KLF5: variants seen among roughly 807,000 people sequenced by gnomAD.
The protein encoded by KLF5 is Krueppel-like factor 5.
Under a neutral mutation model 36.9 loss-of-function variants are expected in KLF5, and 9 were observed. The ratio of observed to expected loss-of-function variants is 0.24; its 90% CI spans 0.15 to 0.43. KLF5 has a LOEUF of 0.43. Among genes scored for constraint, KLF5 ranks in the 20% least tolerant of loss-of-function variants. The pLI is 1.00. For synonymous variants in KLF5, 246 were observed against 241.7 expected (o/e 1.02, Z -0.17); for missense variants, 524 against 599.5 (o/e 0.87, Z 1.31).
At chr13:73,068,299 C>G (rs888686168) in intron 3 of KLF5, among the ~76,000 whole-genome samples, 24 of 152,298 alleles carry the variant, frequency 1.6e-4, no homozygotes, top group African/African-American at 5.3e-4. Context: ...TTATTGCCTA[C>G]TGACATGTGT....
intron 3 of KLF5, among the ~76,000 whole-genome samples, chr13:73,073,222 T>C (rs9573095): frequency 0.81 from 123,323 of 152,176 alleles, 52,841 homozygotes; most frequent in East Asian, 0.96. Context: ...TGGGTACCAG[T>C]TTCCTCTACG....
Position 73,062,455 on chromosome 13 carries a change from T to C in KLF5, c.856T>C (p.Tyr286His). The C allele has an allele frequency of 6.2e-7, 1 of 1,614,150 alleles. No homozygotes were observed. The highest frequency in any genetic ancestry group is 8.5e-7 in the Non-Finnish European group (1 of 1,180,022). The stretch of plus-strand genomic sequence containing the variant: ...ATTCCAGGGCATGCCCCCTTGCACA[T>C]ACACAATGCCAAGTCAGTTTCTTCC... ...KQFQGMPPCT[Y>H]TMPSQFLPQQ... The change falls in exon 2 of 4, where the codon TAC (tyrosine) becomes CAC (histidine). Residue 286 changes from tyrosine to histidine, a missense_variant. Physicochemically the swap from Tyr to His is moderately conservative, Grantham distance 83 (BLOSUM62 2). Coordinates refer to ENST00000377687, the MANE Select transcript of KLF5 (RefSeq NM_001730.5).
intron 2 of KLF5, 147 bp from the exon 3 acceptor site, chr13:73,063,677 C>T (rs1341748280): frequency 1.6e-6 from 1 of 612,920 alleles, no homozygotes; most frequent in African/African-American, 1.8e-5. Context: ...GGGGAGGGCT[C>T]TTTAAAACTT....
At chr13:73,064,473 C>T (rs1434713449) in intron 3 of KLF5, among the ~76,000 whole-genome samples, 1 of 151,674 alleles carries the variant, frequency 6.6e-6, no homozygotes, top group African/African-American at 2.4e-5. Flanking sequence ...TTTATTCTAG[C>T]TTACATTCAT....
At chr13:73,060,438 C>G (rs2044626039) in intron 1 of KLF5, 2 of 152,176 alleles carry the variant, frequency 1.3e-5, no homozygotes, top group Non-Finnish European at 2.9e-5. Context: ...GCCGCGGGAG[C>G]GCAGTGCACG....
intron 1 of KLF5, 180 bp downstream of exon 1, chr13:73,059,768 A>C: frequency 4.6e-6 from 2 of 430,622 alleles, no homozygotes; most frequent in Non-Finnish European, 5.5e-6. Context: ...TTTCGCTGAG[A>C]GTAAATGGGG....
intron 1 of KLF5, 129 bp from the exon 2 acceptor site, chr13:73,061,732 G>A: frequency 1.3e-6 from 1 of 763,594 alleles, no homozygotes; most frequent in Admixed American, 2.3e-5. Flanking sequence ...ATGTTTATAA[G>A]CAACACTGAG....
Position 73,076,939 on chromosome 13 carries a change from G to A in KLF5, c.*1053G>A, listed in dbSNP as rs1955539929. 1 of 152,032 alleles carries A rather than the reference G, an allele frequency of 6.6e-6. No individual in the cohort carries two copies. Among genetic ancestry groups the A allele is most frequent in the African/African-American group, 2.4e-5 (1 of 41,148 alleles). The allele number at this position is 152,032 out of a possible 1,614,324, so 9.4% of individuals were successfully genotyped here. ...ATGTGGATTTTGCATGTAATACACA[G>A]TGAGACACAGTAATTTTATCTAAAT... On this transcript the variant is annotated 3_prime_UTR_variant, in exon 4 of 4. Transcript: ENST00000377687.
In KLF5 at chr13:73,076,690, T is replaced by C. The variant is rs905221589; in HGVS notation, c.*804T>C. On this transcript the variant is annotated 3_prime_UTR_variant, in exon 4 of 4. Coordinates refer to ENST00000377687, the MANE Select transcript of KLF5 (RefSeq NM_001730.5). ...TACAAAAGGCATTTTATATGAATTA[T>C]AAACTGAAGAGCTTAAAGATAGTTA... 1 of 152,208 alleles carries C rather than the reference T, an allele frequency of 6.6e-6. No individual in the cohort carries two copies. The highest frequency in any genetic ancestry group is 2.4e-5 in the African/African-American group (1 of 41,458). The allele number at this position is 152,208 out of a possible 1,614,324, so 9.4% of individuals were successfully genotyped here. A position where few individuals can be genotyped will look rare whatever the true frequency, so the allele number is the denominator to read the frequency against.
chr13:73,059,799 G>C, intron 1 of KLF5: 1 of 826,892 alleles, frequency 1.2e-6, no homozygotes, highest in Non-Finnish European at 1.5e-6. Context: ...GGGGTGGGAA[G>C]GATGGAGGGG....
At position 73,059,232 on chromosome 13, in the gene KLF5, G is replaced by T; in HGVS notation, c.-96G>T. ...GTCCACCCGAAACCTCCCCTCCTCC[G>T]CCGGCAGCCCCGCGCTGAGCTCGCC... is the stretch of plus-strand genomic sequence containing the variant. On this transcript the variant is annotated 5_prime_UTR_variant, in exon 1 of 4. Coordinates refer to ENST00000377687, the MANE Select transcript of KLF5 (RefSeq NM_001730.5). 8.4e-7 allele frequency: 1 copy of T among 1,193,662 alleles called. No homozygotes were observed. The highest frequency in any genetic ancestry group is 1.1e-6 in the Non-Finnish European group (1 of 944,788). The allele number at this position is 1,193,662 out of a possible 1,614,324, so 73.9% of individuals were successfully genotyped here. A position where few individuals can be genotyped will look rare whatever the true frequency, so the allele number is the denominator to read the frequency against.
intron 1 of KLF5, among the ~76,000 whole-genome samples, chr13:73,060,906 A>T (rs1400383105): frequency 6.6e-6 from 1 of 152,210 alleles, no homozygotes. Context: ...TCACCGTTTG[A>T]AAAGTATTTG....
Position 73,062,083 on chromosome 13 carries a change from A to G in KLF5, c.484A>G (p.Lys162Glu), listed in dbSNP as rs1471140754. The G allele has an allele frequency of 6.2e-7, 1 of 1,614,022 alleles. No homozygotes were observed. The highest frequency in any genetic ancestry group is 8.5e-7 in the Non-Finnish European group (1 of 1,180,044). Residue 162 changes from lysine (K) to glutamate (E), a missense_variant, in exon 2 of 4, where the codon AAG becomes GAG. Around this residue, in one of 4 missense-constraint regions of KLF5, gnomAD observed 454 missense variants for 458.1 expected, o/e 0.99. Transcript: ENST00000377687. Reference protein sequence around the residue: ...KSQRPCVTHIKTEPVAIFSHQ... With the variant: ...KSQRPCVTHIETEPVAIFSHQ... ...CCAGAGACCGTGCGTAACACACATC[A>G]AGACAGAACCTGTTGCCATTTTCAG...
chr13:73,066,905 C>T (rs2044683929), intron 3 of KLF5, among the ~76,000 whole-genome samples: 1 of 152,146 alleles, frequency 6.6e-6, no homozygotes, highest in African/African-American at 2.4e-5. Context: ...ACATTTGCTT[C>T]TATTCTAGGG....
At chr13:73,073,312 T>C (rs1265226963) in intron 3 of KLF5, among the ~76,000 whole-genome samples, 1 of 152,230 alleles carries the variant, frequency 6.6e-6, no homozygotes, top group Non-Finnish European at 1.5e-5. Context: ...GTCCTTACTT[T>C]TATGGTAAGA....
At chr13:73,071,551 T>G (rs2044722255) in intron 3 of KLF5, among the ~76,000 whole-genome samples, 1 of 134,858 alleles carries the variant, frequency 7.4e-6, no homozygotes, top group Admixed American at 7.2e-5. Flanking sequence ...TCCTACTTTA[T>G]CTCTTTTCTT....
chr13:73,067,482 A>T (rs187231219), intron 3 of KLF5, among the ~76,000 whole-genome samples: 1 of 152,344 alleles, frequency 6.6e-6, no homozygotes, highest in African/African-American at 2.4e-5. Context: ...CAGATGTTTG[A>T]AGTCCTAGCG....
intron 3 of KLF5, 65 bp from the exon 4 acceptor site, chr13:73,075,643 C>T: frequency 7.6e-7 from 1 of 1,315,984 alleles, no homozygotes; most frequent in South Asian, 1.7e-5. Flanking sequence ...AATTCCTTCT[C>T]CGGTGTTATC....
At chr13:73,065,213 A>G (rs1022306538) in intron 3 of KLF5, among the ~76,000 whole-genome samples, 7 of 152,220 alleles carry the variant, frequency 4.6e-5, no homozygotes, top group African/African-American at 1.7e-4. Flanking sequence ...TACTATGGAA[A>G]TTGAGTTTTG....
Sources: gnomAD v4.1 joint callset for allele counts (sites outside exome capture counted in the v4.1 genomes callset) on GRCh38, gnomAD v4.1.1 for gene constraint, gnomAD v4.1.1 regional missense constraint, MANE v1.5 for transcripts, NCBI Gene and HGNC (gene_info 2026-07-23, HGNC 2026-07-21) for gene names.